REV3L: variants seen among roughly 807,000 people sequenced by gnomAD.
The protein encoded by REV3L is DNA polymerase zeta catalytic subunit.
Under a neutral mutation model 299.4 loss-of-function variants are expected in REV3L, and 69 were observed. The observed-to-expected ratio is 0.23, with a 90% confidence interval of 0.19 to 0.28. REV3L has a LOEUF of 0.28. REV3L is among the 10% of genes least tolerant of loss of function. REV3L has a pLI of 1.00. For synonymous variants in REV3L, 1,238 were observed against 1,271.4 expected, an observed-to-expected ratio of 0.97 and a Z score of 0.56; for missense variants, 3,128 against 3,693.8, an observed-to-expected ratio of 0.85 and a Z score of 3.97.
At chr6:111,322,536 C>T in intron 26 of REV3L, 33 bp downstream of exon 26, 4 of 1,498,508 alleles carry the variant, frequency 2.7e-6, no homozygotes, top group Non-Finnish European at 3.7e-6. Context: ...TAGAGAGATG[C>T]AAAAGACAAC....
chr6:111,323,267 CGT>C (rs1298109714), intron 25 of REV3L, among the ~76,000 whole-genome samples: 3 of 152,176 alleles, frequency 2.0e-5, no homozygotes, highest in Non-Finnish European at 4.4e-5. Flanking sequence ...GGATTATAGG[CGT>C]GAGCCACCGT....
Position 111,372,879 on chromosome 6 carries a change from C to A in REV3L, c.5476G>T (p.Asp1826Tyr). ...CAGGCCACGTCTACAAGTTCACCAT[C>A]AGGGGAGGAGAGTATTGCAGTAAAA... ...TSFTAILSSP[D>Y]GELVDVACED... The change falls in exon 13 of 32, where the codon GAT becomes TAT. Residue 1826 changes from aspartate to tyrosine, a missense_variant. By Grantham distance (160) the Asp-to-Tyr change is radical. Coordinates refer to ENST00000368802, the MANE Select transcript of REV3L (RefSeq NM_001372078.1). 1 of 1,614,092 alleles carries A rather than the reference C, an allele frequency of 6.2e-7. No individual in the cohort carries two copies. Among genetic ancestry groups the A allele is most frequent in the Non-Finnish European group, 8.5e-7 (1 of 1,180,002 alleles).
intron 1 of REV3L, among the ~76,000 whole-genome samples, chr6:111,459,730 C>T (rs1790540992): frequency 6.6e-6 from 1 of 152,000 alleles, no homozygotes; most frequent in Non-Finnish European, 1.5e-5. Context: ...CCATCTCATA[C>T]CAGTCAGAAT....
intron 30 of REV3L, chr6:111,307,947 C>T: frequency 3.6e-6 from 1 of 280,468 alleles, no homozygotes; most frequent in Non-Finnish European, 7.0e-6. Context: ...CTCCCCACCC[C>T]CCGACAGGCC....
chr6:111,329,024 C>A (rs1237831095), intron 25 of REV3L, among the ~76,000 whole-genome samples: 2 of 152,174 alleles, frequency 1.3e-5, no homozygotes, highest in African/African-American at 4.8e-5. Flanking sequence ...GCCTTGGCCT[C>A]CCAAAGTGTT....
chr6:111,384,901 T>C (rs1228667391), intron 9 of REV3L, among the ~76,000 whole-genome samples: 2 of 152,194 alleles, frequency 1.3e-5, no homozygotes, highest in Non-Finnish European at 2.9e-5. Context: ...ATTTACATAA[T>C]GGAGTACTAC....
At chr6:111,482,246 G>A (rs1056192912) in intron 1 of REV3L, among the ~76,000 whole-genome samples, 3 of 152,230 alleles carry the variant, frequency 2.0e-5, no homozygotes, top group Non-Finnish European at 2.9e-5. Flanking sequence ...GGAACTGGCA[G>A]AGGAGAGCGA....
chr6:111,399,874 T>C (rs1782912157), intron 4 of REV3L, among the ~76,000 whole-genome samples: 1 of 152,154 alleles, frequency 6.6e-6, no homozygotes, highest in African/African-American at 2.4e-5. Context: ...TACAGAATAA[T>C]TCCTTCACTC....
chr6:111,329,210 AT>A (rs1337361714), intron 25 of REV3L, among the ~76,000 whole-genome samples: 3 of 149,876 alleles, frequency 2.0e-5, no homozygotes, highest in Non-Finnish European at 2.9e-5. Context: ...CACCTAGCTT[AT>A]TTTTGTGTTT....
chr6:111,374,735 T>A lies in REV3L; in HGVS notation c.3620A>T (p.Lys1207Ile). 6.2e-7 allele frequency: 1 copy of A among 1,613,198 alleles called. No individual in the cohort carries two copies. The highest frequency in any genetic ancestry group is 1.3e-5 in the African/African-American group (1 of 75,010). ...ATTTGTTTTTTGTTTTGCTCTTGGT[T>A]TCTTTTTTCCATCATCTACTAGTTT... ...TNKLVDDGKK[K>I]PRAKQKTNEK... The change falls in exon 13 of 32, where the codon AAA becomes ATA. Residue 1207 changes from lysine to isoleucine, a missense_variant. Lys to Ile is a moderately radical substitution (Grantham distance 102, BLOSUM62 -3). This residue lies in a region of REV3L where 2,409 missense variants were observed against 2,611.8 expected (regional missense o/e 0.92). Coordinates refer to ENST00000368802, the MANE Select transcript of REV3L (RefSeq NM_001372078.1).
chr6:111,475,458 AC>A (rs1433606633), intron 1 of REV3L, among the ~76,000 whole-genome samples: 13 of 152,346 alleles, frequency 8.5e-5, no homozygotes, highest in African/African-American at 3.1e-4. Flanking sequence ...GAGTATGAAT[AC>A]TTTATAATCC....
chr6:111,359,782 A>T (rs1388903555), intron 16 of REV3L, among the ~76,000 whole-genome samples: 1 of 152,192 alleles, frequency 6.6e-6, no homozygotes, highest in East Asian at 1.9e-4. Context: ...TTTATCATGT[A>T]CATGTACCTG....
chr6:111,390,451 T>C (rs1341350848), intron 5 of REV3L, among the ~76,000 whole-genome samples: 1 of 152,118 alleles, frequency 6.6e-6, no homozygotes, highest in African/African-American at 2.4e-5. Context: ...AAAAGGAATA[T>C]AAAACGTTTT....
At chr6:111,464,224 G>C (rs974039172) in intron 1 of REV3L, among the ~76,000 whole-genome samples, 23 of 152,140 alleles carry the variant, frequency 1.5e-4, no homozygotes, top group African/African-American at 4.6e-4. Flanking sequence ...ATCCAGTAGA[G>C]GTACACTAAG....
intron 1 of REV3L, among the ~76,000 whole-genome samples, chr6:111,440,899 C>T (rs1416858642): frequency 6.6e-6 from 1 of 152,176 alleles, no homozygotes; most frequent in African/African-American, 2.4e-5. Context: ...TTTCTTTCAA[C>T]ACTTAAAACA....
intron 1 of REV3L, among the ~76,000 whole-genome samples, chr6:111,443,081 T>C (rs1224455558): frequency 6.6e-6 from 1 of 152,218 alleles, no homozygotes; most frequent in African/African-American, 2.4e-5. Flanking sequence ...TTTGATCACA[T>C]ATTGCATTCT....
chr6:111,372,637 T>A lies in REV3L; in HGVS notation c.5718A>T (p.Glu1906Asp). 1 of 1,514,586 alleles carries A rather than the reference T, an allele frequency of 6.6e-7. No homozygotes were observed. The highest frequency in any genetic ancestry group is 8.8e-7 in the Non-Finnish European group (1 of 1,133,398). The allele number at this position is 1,514,586 out of a possible 1,614,324, so 93.8% of individuals were successfully genotyped here. ...DHDLSETIYQEPFCSNPSDVP... is the reference protein window; with the variant it reads ...DHDLSETIYQDPFCSNPSDVP... Reference sequence around the variant, plus strand: ...CATCAGAAGGATTACTGCAAAATGGTTCCTGGTAAATAGTCTCAGACAGGT... The same window carrying A: ...CATCAGAAGGATTACTGCAAAATGGATCCTGGTAAATAGTCTCAGACAGGT... The change falls in exon 13 of 32, where the codon GAA (glutamate) becomes GAT (aspartate). Residue 1906 changes from glutamate (E) to aspartate (D), a missense_variant. Physicochemically the swap from Glu to Asp is conservative, Grantham distance 45. Around this residue, in one of 9 missense-constraint regions of REV3L, gnomAD observed 2,409 missense variants for 2,611.8 expected, o/e 0.92. Transcript: ENST00000368802.
At position 111,349,077 on chromosome 6, in the gene REV3L, T is replaced by G. The variant is rs1462079053; in HGVS notation, c.7419+141A>C. 5.8e-6 allele frequency: 3 copies of G among 516,848 alleles called. No individual in the cohort carries two copies. The East Asian group carries it at 9.4e-5, about 16-fold the overall frequency. 32.0% of individuals were successfully genotyped at this position (516,848 alleles called of 1,614,324 possible). ...TGTAGTTTTGCATTTTAGAAAGTAC[T>G]ATTTTAACTCTACTTAAGTATAACA... On this transcript the variant is annotated intron_variant, in intron 20 of 31. Transcript: ENST00000368802.
At chr6:111,329,508 A>C in intron 25 of REV3L, 24 bp downstream of exon 25, 1 of 1,610,382 alleles carries the variant, frequency 6.2e-7, no homozygotes, top group Non-Finnish European at 8.5e-7. Context: ...TCTTTTGAAA[A>C]AACTACAGAT....
Sources: gnomAD v4.1 joint callset for allele counts (sites outside exome capture counted in the v4.1 genomes callset) on GRCh38, gnomAD v4.1.1 for gene constraint, gnomAD v4.1.1 regional missense constraint, MANE v1.5 for transcripts, NCBI Gene and HGNC (gene_info 2026-07-23, HGNC 2026-07-21) for gene names.